Variants in CACNA2D2 observed in about 807,000 individuals in gnomAD.
CACNA2D2 encodes voltage-dependent calcium channel subunit alpha-2/delta-2.
Under a neutral mutation model 166.4 loss-of-function variants are expected in CACNA2D2, and 48 were observed. The observed-to-expected ratio is 0.29, with a 90% CI of 0.23 to 0.37. The LOEUF (loss-of-function observed/expected upper bound fraction) is 0.37, where lower values mean the gene tolerates loss of function less well. CACNA2D2 is among the 10% of genes least tolerant of loss of function. The probability of loss-of-function intolerance (pLI) is 1.00; values close to 1 mark genes in which losing one functional copy is unlikely to be tolerated. For missense variants in CACNA2D2, 1,122 were observed against 1,433.0 expected (o/e 0.78, Z 3.50); for synonymous variants, 561 against 573.7 (o/e 0.98, Z 0.32).
intron 23 of CACNA2D2, among the ~76,000 whole-genome samples, chr3:50,369,561 C>T (rs1378579702): frequency 2.6e-5 from 4 of 152,248 alleles, no homozygotes; most frequent in East Asian, 1.9e-4. Flanking sequence ...CCAGAGCCCC[C>T]GTGTGCTGCC....
chr3:50,364,800 T>C lies in CACNA2D2; in HGVS notation c.3298A>G (p.Thr1100Ala). The C allele has an allele frequency of 6.2e-7, 1 of 1,610,080 alleles. No homozygotes were observed. The highest frequency in any genetic ancestry group is 8.5e-7 in the Non-Finnish European group (1 of 1,178,594). ...ICFDYNATED[T>A]SDCGRGASFP... ...GAGGCCCCGCGGCCACAGTCTGAGG[T>C]ATCTTCCTGCGGGGAGAGACAAGGA... Residue 1100 changes from threonine to alanine, a missense_variant, in exon 38 of 38, where the codon ACC (threonine) becomes GCC (alanine). By Grantham distance (58) the Thr-to-Ala change is moderately conservative (BLOSUM62 0). Coordinates refer to ENST00000424201, the MANE Select transcript of CACNA2D2 (RefSeq NM_006030.4).
At position 50,365,247 on chromosome 3, in the gene CACNA2D2, C is replaced by T. The variant is rs1402207802; in HGVS notation, c.3099-63G>A. 7.2e-6 allele frequency: 10 copies of T among 1,380,274 alleles called. No individual in the cohort carries two copies. Among genetic ancestry groups the T allele is most frequent in the Admixed American group, 2.0e-5 (1 of 51,186 alleles). The allele number at this position is 1,380,274 out of a possible 1,614,324, so 85.5% of individuals were successfully genotyped here. A position where few individuals can be genotyped will look rare whatever the true frequency, so the allele number is the denominator to read the frequency against. ...CCCGCCCTGACCCACCCCCATCCTG[C>T]GGCCCCGCCCCCGGCCGCTCGGAGG... is the stretch of plus-strand genomic sequence containing the variant. On this transcript the variant is annotated intron_variant, in intron 35 of 37. Coordinates refer to ENST00000424201, the MANE Select transcript of CACNA2D2 (RefSeq NM_006030.4). This position sits in a 1 kb window ranked among gnomAD's most constrained non-coding sequence, Gnocchi z 4.5.
rs587766887 is a variant in CACNA2D2, at chr3:50,389,147, C to T, written c.466-1535G>A. ...CACCAGTGCAAGAAGGCTGCAGCCC[C>T]GGTGGGCCTGGGGCGGGGGCGGAGG... On this transcript the variant is annotated intron_variant, in intron 4 of 37. Coordinates refer to ENST00000424201, the MANE Select transcript of CACNA2D2 (RefSeq NM_006030.4). Among the ~76,000 whole-genome samples the T allele has an allele frequency of 3.3e-5, 5 of 152,326 alleles. No individual in the cohort carries two copies. The East Asian group carries it at 7.7e-4, about 24-fold the overall frequency.
chr3:50,455,565 AAC>A (rs1709320149), intron 2 of CACNA2D2, among the ~76,000 whole-genome samples: 1 of 152,190 alleles, frequency 6.6e-6, no homozygotes, highest in African/African-American at 2.4e-5. Context: ...ACTTTTTTTA[AAC>A]ACAGCGTTAC....
intron 3 of CACNA2D2, among the ~76,000 whole-genome samples, chr3:50,402,143 A>T (rs1483032392): frequency 6.6e-6 from 1 of 152,202 alleles, no homozygotes; most frequent in Non-Finnish European, 1.5e-5. Context: ...TTTGCTTTAA[A>T]CTGGAACCAC....
At chr3:50,402,603 G>T (rs981727303) in intron 3 of CACNA2D2, among the ~76,000 whole-genome samples, 1 of 152,206 alleles carries the variant, frequency 6.6e-6, no homozygotes, top group Non-Finnish European at 1.5e-5. Flanking sequence ...AGAGCTGAAG[G>T]CTACTCCAGG....
intron 21 of CACNA2D2, 21 bp from the exon 22 acceptor site, chr3:50,374,834 G>C (rs1335760063): frequency 1.3e-6 from 2 of 1,568,672 alleles, no homozygotes; most frequent in Admixed American, 3.7e-5. Flanking sequence ...AGAAGCTCGG[G>C]TCACGGCTGG....
At position 50,378,036 on chromosome 3, in the gene CACNA2D2, T is replaced by C. The variant is rs1705079309; in HGVS notation, c.1451A>G (p.Gln484Arg). 1 of 1,613,732 alleles carries C rather than the reference T, an allele frequency of 6.2e-7. No homozygotes were observed. The highest frequency in any genetic ancestry group is 8.5e-7 in the Non-Finnish European group (1 of 1,180,008). Residue 484 changes from glutamine (Q) to arginine (R), a missense_variant, in exon 15 of 38, where the codon CAG (glutamine) becomes CGG (arginine). Physicochemically the swap from Gln to Arg is conservative, Grantham distance 43. Around this residue, in one of 2 missense-constraint regions of CACNA2D2, gnomAD observed 840 missense variants for 1,166.8 expected, o/e 0.72. Transcript: ENST00000424201. The stretch of plus-strand genomic sequence containing the variant: ...TGCATCCTCATACACGTTGGTCCAC[T>C]GCACCTGCTTGGCCTCCTTGCCTGC... The part of the protein sequence containing the change: ...VLAGKEAKQV[Q>R]WTNVYEDALG...
chr3:50,501,832 G>A (rs73835517), intron 1 of CACNA2D2, among the ~76,000 whole-genome samples: 17,534 of 152,098 alleles, frequency 0.12, 1,151 homozygotes, highest in Non-Finnish European at 0.14. Flanking sequence ...AGACAATAAC[G>A]CATCCACCAG....
In CACNA2D2 at chr3:50,364,642, T is replaced by G. The variant is rs1163669391; in HGVS notation, c.*24A>C. ...GCGAAGAGGCCGGGTGAGGTGGGAG[T>G]GGAGGTGGGGTGGGGCAGGGTGCTC... On this transcript the variant is annotated 3_prime_UTR_variant, in exon 38 of 38. Coordinates refer to ENST00000424201, the MANE Select transcript of CACNA2D2 (RefSeq NM_006030.4). 14 of 1,464,730 alleles carry G rather than the reference T, an allele frequency of 9.6e-6. No homozygotes were observed. Among genetic ancestry groups the G allele is most frequent in the Admixed American group, 7.8e-5 (3 of 38,652 alleles). The allele number at this position is 1,464,730 out of a possible 1,614,324, so 90.7% of individuals were successfully genotyped here.
chr3:50,423,955 T>G (rs1410530913), intron 3 of CACNA2D2, among the ~76,000 whole-genome samples: 1 of 152,240 alleles, frequency 6.6e-6, no homozygotes, highest in Non-Finnish European at 1.5e-5. Context: ...CAGATCCATC[T>G]GTCTGCGGGG....
At chr3:50,437,699 T>C (rs997280236) in intron 2 of CACNA2D2, among the ~76,000 whole-genome samples, 31 of 152,124 alleles carry the variant, frequency 2.0e-4, no homozygotes, top group Non-Finnish European at 3.4e-4. Flanking sequence ...GGAGGTGCTT[T>C]CCACCTGCAG....
intron 3 of CACNA2D2, among the ~76,000 whole-genome samples, chr3:50,410,876 G>A (rs965959028): frequency 6.6e-6 from 1 of 152,246 alleles, no homozygotes; most frequent in African/African-American, 2.4e-5. Context: ...GTTAGAGAAG[G>A]AGGATGTGTG....
chr3:50,389,283 G>A (rs1043918248), intron 4 of CACNA2D2, among the ~76,000 whole-genome samples: 2 of 152,348 alleles, frequency 1.3e-5, no homozygotes, highest in East Asian at 1.9e-4. Flanking sequence ...AGTTGACGAA[G>A]ATCATTCCTG....
In CACNA2D2 at chr3:50,380,481, T is replaced by C. The variant is rs1029761684; in HGVS notation, c.842+267A>G. Among the ~76,000 whole-genome samples the C allele has an allele frequency of 3.2e-4, 48 of 152,086 alleles. No homozygotes were observed. Among genetic ancestry groups the C allele is most frequent in the Admixed American group, 5.9e-4 (9 of 15,274 alleles). On this transcript the variant is annotated intron_variant, in intron 8 of 37. Transcript: ENST00000424201. The surrounding 1 kb of genome is among the most constrained non-coding windows in gnomAD (Gnocchi z 4.9). ...AACCCTACAGAGGCTACATCTGCCT[T>C]TGGGGACCCCTTCTGGTCCAATCTC... is the stretch of plus-strand genomic sequence containing the variant.
At chr3:50,449,166 AG>A (rs1708992025) in intron 2 of CACNA2D2, among the ~76,000 whole-genome samples, 2 of 152,240 alleles carry the variant, frequency 1.3e-5, no homozygotes, top group South Asian at 4.1e-4. Flanking sequence ...GATTCGTTGA[AG>A]CCAAGAGAGG....
chr3:50,474,655 A>T (rs140281265), intron 2 of CACNA2D2, among the ~76,000 whole-genome samples: 107 of 152,294 alleles, frequency 7.0e-4, no homozygotes, highest in Middle Eastern at 6.8e-3. Context: ...TTAACTCCTG[A>T]TATGTGGTAT....
chr3:50,436,432 AGGGTGCCCCTTGCAGCCT>A (rs1708322957), intron 2 of CACNA2D2, among the ~76,000 whole-genome samples: 1 of 152,130 alleles, frequency 6.6e-6, no homozygotes, highest in Admixed American at 6.5e-5. Context: ...CTTGGGCTCC[AGGGTGCCCCTTGCAGCCT>A]GGCATGGTAA....
rs761580133 is a variant in CACNA2D2, at chr3:50,365,036, G to A, written c.3208+39C>T. 3.1e-6 allele frequency: 5 copies of A among 1,597,116 alleles called. No homozygotes were observed. The highest frequency in any genetic ancestry group is 2.2e-5 in the South Asian group (2 of 90,432). The stretch of plus-strand genomic sequence containing the variant: ...CGGCACGGAGGGGGCGCGCGGGGCA[G>A]AGGGGGAGCGGGCGGCGGGGAGGGC... On this transcript the variant is annotated intron_variant, in intron 36 of 37. Transcript: ENST00000424201. This position sits in a 1 kb window ranked among gnomAD's most constrained non-coding sequence, Gnocchi z 4.5.
Sources: gnomAD v4.1 joint callset for allele counts (sites outside exome capture counted in the v4.1 genomes callset) on GRCh38, gnomAD v4.1.1 for gene constraint, gnomAD v4.1.1 regional missense constraint, Gnocchi (gnomAD v3.1) non-coding constraint, MANE v1.5 for transcripts, NCBI Gene and HGNC (gene_info 2026-07-23, HGNC 2026-07-21) for gene names.